Variants in FUT8 observed in about 807,000 individuals in gnomAD.
The protein encoded by FUT8 is fucosyltransferase 8, also known as alpha-(1,6)-fucosyltransferase.
In FUT8, 29 loss-of-function variants were observed where a neutral mutation model predicts 71.3. The observed-to-expected ratio is 0.41, with a 90% CI of 0.30 to 0.55. FUT8 has a LOEUF of 0.55. Among genes scored for constraint, FUT8 ranks in the 20% least tolerant of loss-of-function variants. The pLI, the probability that FUT8 is intolerant of heterozygous loss-of-function variation, is 0.34. For synonymous variants in FUT8, 254 were observed against 239.3 expected (o/e 1.06, Z -0.57); for missense variants, 544 against 702.1 (o/e 0.77, Z 2.55).
At chr14:65,698,730 A>T (rs566403522) in intron 7 of FUT8, among the ~76,000 whole-genome samples, 2 of 152,298 alleles carry the variant, frequency 1.3e-5, no homozygotes, top group Middle Eastern at 3.4e-3. Flanking sequence ...ATCATTTCCT[A>T]TAGCAAACTG....
rs1896560919 is a variant in FUT8 at position 65,742,621 on chromosome 14, GCA to G, written c.*214_*215del. On this transcript the variant is annotated 3_prime_UTR_variant, in exon 11 of 11. Transcript: ENST00000673929. ...AGGGCTGCAATGCCCTCATACCCATGCACAGTACAATAATGTACTCACATATA... is the reference window on the plus strand; with the variant it reads ...AGGGCTGCAATGCCCTCATACCCATGCAGTACAATAATGTACTCACATATA... The G allele has an allele frequency of 7.2e-6, 4 of 558,332 alleles. No homozygotes were observed. Among genetic ancestry groups the G allele is most frequent in the Non-Finnish European group, 1.3e-5 (4 of 312,438 alleles). The allele number at this position is 558,332 out of a possible 1,614,324, so 34.6% of individuals were successfully genotyped here.
chr14:65,465,326 A>G (rs995565500), intron 2 of FUT8, among the ~76,000 whole-genome samples: 3 of 152,028 alleles, frequency 2.0e-5, no homozygotes, highest in East Asian at 1.9e-4. Context: ...TGCATCCCAC[A>G]TTTATTTACT....
intron 2 of FUT8, among the ~76,000 whole-genome samples, chr14:65,480,358 G>T (rs1376076314): frequency 1.4e-5 from 2 of 146,758 alleles, no homozygotes; most frequent in Admixed American, 6.9e-5. Flanking sequence ...ACCCAGGCTG[G>T]AGTGCAGTGG....
Position 65,611,205 on chromosome 14 carries a change from GCGCGCGCGCGCGCGCGCGCACACA to G in FUT8, c.204-4771_204-4748del, listed in dbSNP as rs1888897501. Among the ~76,000 whole-genome samples the G allele has an allele frequency of 2.3e-3, 5 of 2,202 alleles. 1 individual carries two copies. Among genetic ancestry groups the G allele is most frequent in the African/African-American group, 3.2e-3 (5 of 1,580 alleles). The allele number at this position is 2,202 out of a possible 152,430, so 1.4% of individuals were successfully genotyped here. On this transcript the variant is annotated intron_variant, in intron 3 of 10. Coordinates refer to ENST00000673929, the MANE Select transcript of FUT8 (RefSeq NM_001371533.1). ...GTCATACACACACACACACGCGCGC[GCGCGCGCGCGCGCGCGCGCACACA>G]CACACACACACACACACACACACAC...
chr14:65,365,345 C>CGA, the FUT8 span, among the ~76,000 whole-genome samples: 12 of 151,888 alleles, frequency 7.9e-5, no homozygotes, highest in East Asian at 2.1e-3. Flanking sequence ...CTCTCTCTCT[C>CGA]TCTCTCTCTC....
chr14:65,475,906 G>T (rs537325115), intron 2 of FUT8, among the ~76,000 whole-genome samples: 1 of 152,142 alleles, frequency 6.6e-6, no homozygotes, highest in Non-Finnish European at 1.5e-5. Context: ...CTGCTACTGG[G>T]ATTGTAGGTA....
chr14:65,594,903 G>A (rs1370363789), intron 3 of FUT8, among the ~76,000 whole-genome samples: 1 of 152,106 alleles, frequency 6.6e-6, no homozygotes, highest in African/African-American at 2.4e-5. Context: ...ACGGGCCATA[G>A]GTAGTTTTGG....
the FUT8 span, among the ~76,000 whole-genome samples, chr14:65,361,685 G>T: frequency 2.6e-5 from 4 of 152,082 alleles, no homozygotes; most frequent in African/African-American, 9.7e-5. Flanking sequence ...CTACTTGGGA[G>T]GCTGAGGTTG....
intron 1 of FUT8, among the ~76,000 whole-genome samples, chr14:65,427,893 C>T (rs1295046054): frequency 6.6e-6 from 1 of 152,134 alleles, no homozygotes; most frequent in Non-Finnish European, 1.5e-5. Flanking sequence ...CATGGTTTTG[C>T]CATTTCTTGA....
At chr14:65,589,482 C>T (rs578004682) in intron 3 of FUT8, among the ~76,000 whole-genome samples, 20 of 126,766 alleles carry the variant, frequency 1.6e-4, no homozygotes, top group African/African-American at 6.1e-4. Flanking sequence ...CTCGCTCTGT[C>T]GCCCAGGCTG....
intron 6 of FUT8, among the ~76,000 whole-genome samples, chr14:65,633,674 C>T (rs1890349094): frequency 6.6e-6 from 1 of 151,902 alleles, no homozygotes; most frequent in Non-Finnish European, 1.5e-5. Context: ...CGGCCACGAC[C>T]CCGTCTGGGA....
At chr14:65,630,164 G>A (rs1030625934) in intron 6 of FUT8, among the ~76,000 whole-genome samples, 2 of 152,130 alleles carry the variant, frequency 1.3e-5, no homozygotes, top group African/African-American at 2.4e-5. Flanking sequence ...TGGAGAATAA[G>A]TTGGAAAGGT....
chr14:65,532,620 C>T (rs1025255944), intron 2 of FUT8, among the ~76,000 whole-genome samples: 2 of 152,112 alleles, frequency 1.3e-5, no homozygotes, highest in African/African-American at 4.8e-5. Flanking sequence ...GTTTCTTTTG[C>T]TGTAGAGAAG....
At chr14:65,418,557 T>C (rs3783712) in intron 1 of FUT8, among the ~76,000 whole-genome samples, 9,363 of 152,266 alleles carry the variant, frequency 0.061, 502 homozygotes, top group South Asian at 0.2. Context: ...TAATTAGTGG[T>C]AAAGTGGACA....
chr14:65,370,396 G>C, the FUT8 span, among the ~76,000 whole-genome samples: 2 of 151,424 alleles, frequency 1.3e-5, no homozygotes, highest in African/African-American at 4.8e-5. Context: ...TTTTAGTAGA[G>C]ACGGGGTTTC....
intron 2 of FUT8, among the ~76,000 whole-genome samples, chr14:65,554,500 A>G (rs1566819106): frequency 6.6e-6 from 1 of 150,536 alleles, no homozygotes; most frequent in African/African-American, 2.4e-5. Context: ...CAGACATTTT[A>G]GGTAAAAGGC....
Position 65,522,350 on chromosome 14 carries a change from T to C in FUT8, c.-227-38987T>C, listed in dbSNP as rs191403833. Among the ~76,000 whole-genome samples the C allele has an allele frequency of 1.6e-3, 240 of 152,320 alleles. 1 individual carries two copies. The highest frequency in any genetic ancestry group is 2.5e-3 in the Non-Finnish European group (173 of 68,024). The stretch of plus-strand genomic sequence containing the variant: ...TCTTCTAATTTACCAACTCAGAGTG[T>C]TATTTCCTTTTTTTTTAAAGGGATT... On this transcript the variant is annotated intron_variant, in intron 2 of 10. Transcript: ENST00000673929.
At position 65,705,096 on chromosome 14, in the gene FUT8, A is replaced by G. The variant is rs185492927; in HGVS notation, c.836-16679A>G. Among the ~76,000 whole-genome samples the G allele has an allele frequency of 1.5e-3, 226 of 152,276 alleles. 1 individual carries two copies. The Middle Eastern group carries it at 0.024, about 16-fold the overall frequency. On this transcript the variant is annotated intron_variant, in intron 7 of 10. Coordinates refer to ENST00000673929, the MANE Select transcript of FUT8 (RefSeq NM_001371533.1). The stretch of plus-strand genomic sequence containing the variant: ...GATTCAATTTAGAACTTTTTATTCA[A>G]TTGGTTGGAGGCTTCAAGTTGACAG...
intron 2 of FUT8, among the ~76,000 whole-genome samples, chr14:65,537,435 T>C (rs1210801042): frequency 6.6e-6 from 1 of 152,138 alleles, no homozygotes; most frequent in African/African-American, 2.4e-5. Context: ...TTGCCCAGGA[T>C]GGAGTGCAGT....
Sources: allele counts gnomAD v4.1 joint callset (sites outside exome capture counted in the v4.1 genomes callset), GRCh38; gene constraint gnomAD v4.1.1; transcripts MANE v1.5; gene names NCBI Gene and HGNC (gene_info 2026-07-23, HGNC 2026-07-21).